The following ARL13B variants were observed in gnomAD, a reference collection of about 807,000 sequenced individuals.
ARL13B encodes the protein ADP-ribosylation factor-like protein 13B.
ARL13B carries 36 observed loss-of-function variants against 56.1 expected under a neutral mutation model. That is an observed-to-expected ratio of 0.64 (90% CI 0.49 to 0.85). The LOEUF is 0.85. Among genes scored for constraint, ARL13B ranks in the 40% least tolerant of loss-of-function variants. The pLI is 0.00. For missense variants in ARL13B, 519 were observed against 507.1 expected, an observed-to-expected ratio of 1.02 and a Z score of -0.23; for synonymous variants, 178 against 171.1, an observed-to-expected ratio of 1.04 and a Z score of -0.32.
intron 3 of ARL13B, among the ~76,000 whole-genome samples, chr3:94,026,461 T>A (rs1449625960): frequency 2.0e-5 from 3 of 152,212 alleles, no homozygotes; most frequent in African/African-American, 4.8e-5. Context: ...TGATAGGTAC[T>A]CAAATATGTT....
At chr3:94,005,751 A>G (rs2107445088) in intron 3 of ARL13B, among the ~76,000 whole-genome samples, 1 of 152,322 alleles carries the variant, frequency 6.6e-6, no homozygotes, top group African/African-American at 2.4e-5. Context: ...TTAAAGGTAA[A>G]CTGCTTTTTG....
intron 1 of ARL13B, among the ~76,000 whole-genome samples, chr3:93,982,580 TA>T (rs1168502959): frequency 6.6e-6 from 1 of 152,210 alleles, no homozygotes; most frequent in African/African-American, 2.4e-5. Flanking sequence ...TTTTACTTTT[TA>T]AAAAATGAGA....
chr3:93,998,298 A>G (rs2075999428), intron 2 of ARL13B, among the ~76,000 whole-genome samples: 3 of 152,188 alleles, frequency 2.0e-5, no homozygotes, highest in Non-Finnish European at 2.9e-5. Flanking sequence ...TTTGTTATGT[A>G]TACTGGGTGT....
chr3:94,008,628 A>G (rs943664009), intron 3 of ARL13B, among the ~76,000 whole-genome samples: 1 of 152,158 alleles, frequency 6.6e-6, no homozygotes, highest in Admixed American at 6.5e-5. Flanking sequence ...ATAAGAAAGC[A>G]TATGCTCTTT....
chr3:93,984,049 A>G (rs1710339497), intron 1 of ARL13B, among the ~76,000 whole-genome samples: 1 of 152,206 alleles, frequency 6.6e-6, no homozygotes, highest in Non-Finnish European at 1.5e-5. Context: ...GTTAGAGGAA[A>G]GGAAATGTTA....
chr3:94,007,061 C>CTA (rs768115270), intron 3 of ARL13B, among the ~76,000 whole-genome samples: 11 of 152,102 alleles, frequency 7.2e-5, no homozygotes, highest in Non-Finnish European at 1.5e-4. Flanking sequence ...TTTACAGCAT[C>CTA]TAATTTCTTC....
At chr3:93,982,971 G>C (rs1165845979) in intron 1 of ARL13B, among the ~76,000 whole-genome samples, 1 of 152,046 alleles carries the variant, frequency 6.6e-6, no homozygotes, top group Admixed American at 6.5e-5. Flanking sequence ...GAAATTGCCT[G>C]TTTGATTATT....
chr3:94,038,596 G>T (rs931887300), intron 5 of ARL13B, among the ~76,000 whole-genome samples: 1 of 141,608 alleles, frequency 7.1e-6, no homozygotes, highest in Non-Finnish European at 1.5e-5. Context: ...CAGTCTCGGC[G>T]CACTGCAACC....
At chr3:94,043,384 C>G (rs2076898529) in intron 7 of ARL13B, 144 bp downstream of exon 7, 3 of 797,146 alleles carry the variant, frequency 3.8e-6, no homozygotes, top group Non-Finnish European at 5.9e-6. Context: ...ATGATTTTCT[C>G]AAGGTCTTTT....
rs771363921 is a variant in ARL13B at position 94,039,916 on chromosome 3, A to G, written c.726A>G (p.Gly242=). ...AACAGGAGCAGGCTGAACTCGATGG[A>G]ACCAGTGGTCTGGCTGAGTTGGACC... ...QNEQEQAELD[G]TSGLAELDPE... The change falls in exon 6 of 10, where the codon GGA becomes GGG. Residue 242 remains glycine (G), a synonymous_variant. Transcript: ENST00000394222. 2 of 1,614,140 alleles carry G rather than the reference A, an allele frequency of 1.2e-6. No individual in the cohort carries two copies. The highest frequency in any genetic ancestry group is 2.2e-5 in the East Asian group (1 of 44,862).
rs1350445225 is a variant in ARL13B at position 93,995,896 on chromosome 3, G to A, written c.82G>A (p.Gly28Arg). The change falls in exon 2 of 10, where the codon GGA (glycine) becomes AGA (arginine). Residue 28 changes from glycine (G) to arginine (R), a missense_variant. Physicochemically the swap from Gly to Arg is moderately radical, Grantham distance 125 (BLOSUM62 -2). Transcript: ENST00000394222. Reference sequence around the variant, plus strand: ...AAGAAAGGTGACTCTTTTGATGGTGGGACTTGATAATGCTGGTAAAACCGC... The same window carrying A: ...AAGAAAGGTGACTCTTTTGATGGTGAGACTTGATAATGCTGGTAAAACCGC... ...PVRKVTLLMVGLDNAGKTATA... is the reference protein window; with the variant it reads ...PVRKVTLLMVRLDNAGKTATA... The A allele has an allele frequency of 1.9e-6, 3 of 1,612,678 alleles. No individual in the cohort carries two copies. The highest frequency in any genetic ancestry group is 2.5e-6 in the Non-Finnish European group (3 of 1,179,226).
At chr3:94,035,534 A>G (rs765778275) in intron 4 of ARL13B, 98 bp downstream of exon 4, 13 of 798,994 alleles carry the variant, frequency 1.6e-5, no homozygotes, top group Middle Eastern at 7.4e-4. Context: ...TTAAAAGGCA[A>G]TGTTTTCAAA....
At position 94,040,963 on chromosome 3, in the gene ARL13B, A is replaced by G. The variant is rs575169389; in HGVS notation, c.798+975A>G. Among the ~76,000 whole-genome samples the G allele has an allele frequency of 2.6e-5, 4 of 152,296 alleles. No individual in the cohort carries two copies. In the East Asian group the frequency reaches 7.7e-4, roughly 29 times the overall value. On this transcript the variant is annotated intron_variant, in intron 6 of 9. Transcript: ENST00000394222. ...ATAATAGTGGTGTACGACATAGTAT[A>G]TATCACATATAGAAAGTTCCCAAAT...
rs2076774745 is a variant in ARL13B, at chr3:94,036,711, A to G, written c.646A>G (p.Lys216Glu). The change falls in exon 5 of 10, where the codon AAA becomes GAA. Residue 216 changes from lysine (K) to glutamate (E), a missense_variant. By Grantham distance (56) the Lys-to-Glu change is moderately conservative. Transcript: ENST00000394222. ...TEQRALEEQE[K>E]QERAERVRKL... ...GCAGCGTGCTCTTGAGGAACAAGAG[A>G]AACAAGAAAGAGCTGAACGAGTGCG... is the stretch of plus-strand genomic sequence containing the variant. The G allele has an allele frequency of 6.2e-7, 1 of 1,613,844 alleles. No individual in the cohort carries two copies. Among genetic ancestry groups the G allele is most frequent in the Admixed American group, 1.7e-5 (1 of 60,000 alleles).
intron 6 of ARL13B, among the ~76,000 whole-genome samples, chr3:94,041,051 A>G (rs1160956616): frequency 6.6e-6 from 1 of 152,138 alleles, no homozygotes; most frequent in Non-Finnish European, 1.5e-5. Flanking sequence ...GAAGATGGCC[A>G]GTAAAGAAAT....
Position 94,055,436 on chromosome 3 carries a change from C to T in ARL13B, c.*2173C>T. On this transcript the variant is annotated 3_prime_UTR_variant, in exon 10 of 10. Transcript: ENST00000394222. ...CTTTACACACAAAACTTTTTTCTCTCTGCAAGTTTTTATGTATGTGGGAAA... is the reference window on the plus strand; with the variant it reads ...CTTTACACACAAAACTTTTTTCTCTTTGCAAGTTTTTATGTATGTGGGAAA... 1 of 453,024 alleles carries T rather than the reference C, an allele frequency of 2.2e-6. No homozygotes were observed. The highest frequency in any genetic ancestry group is 4.4e-6 in the Non-Finnish European group (1 of 226,130). The allele number at this position is 453,024 out of a possible 1,614,324, so 28.1% of individuals were successfully genotyped here. A position where few individuals can be genotyped will look rare whatever the true frequency, so the allele number is the denominator to read the frequency against.
intron 2 of ARL13B, among the ~76,000 whole-genome samples, chr3:93,997,205 G>C (rs1307484311): frequency 6.6e-6 from 1 of 152,066 alleles, no homozygotes; most frequent in Non-Finnish European, 1.5e-5. Context: ...CACAATAAAT[G>C]TAATGTGCTT....
intron 7 of ARL13B, among the ~76,000 whole-genome samples, chr3:94,047,005 A>G (rs2076994832): frequency 6.6e-6 from 1 of 152,164 alleles, no homozygotes; most frequent in Admixed American, 6.5e-5. Flanking sequence ...AAGTTATGTA[A>G]CATTCTTTAG....
At chr3:93,998,548 T>C (rs551394398) in intron 2 of ARL13B, among the ~76,000 whole-genome samples, 2 of 152,284 alleles carry the variant, frequency 1.3e-5, no homozygotes, top group Admixed American at 1.3e-4. Flanking sequence ...AGCCTTCTCT[T>C]TCCTTTATAT....
Sources: allele counts gnomAD v4.1 joint callset (sites outside exome capture counted in the v4.1 genomes callset), GRCh38; gene constraint gnomAD v4.1.1; transcripts MANE v1.5; gene names NCBI Gene and HGNC (gene_info 2026-07-23, HGNC 2026-07-21).